Variants in YEATS2 observed in about 807,000 individuals in gnomAD.
YEATS2 encodes the protein YEATS domain containing 2.
A neutral mutation model predicts 163.2 loss-of-function variants in YEATS2; 77 were observed. That is an observed-to-expected ratio of 0.47 (90% CI 0.39 to 0.57). YEATS2 has a LOEUF of 0.57. Ranked by LOEUF, YEATS2 falls within the 20% of genes least tolerant of loss-of-function variation. The pLI is 0.00. For missense variants in YEATS2, 1,549 were observed against 1,729.8 expected (o/e 0.90, Z 1.85); for synonymous variants, 631 against 645.1 (o/e 0.98, Z 0.33).
intron 15 of YEATS2, among the ~76,000 whole-genome samples, chr3:183,766,056 A>G (rs1721874171): frequency 6.6e-6 from 1 of 152,162 alleles, no homozygotes; most frequent in South Asian, 2.1e-4. Context: ...TTTTTCCTCA[A>G]AGTGGGAAGA....
intron 12 of YEATS2, among the ~76,000 whole-genome samples, chr3:183,757,621 T>C (rs907643246): frequency 1.3e-5 from 2 of 152,176 alleles, no homozygotes; most frequent in African/African-American, 4.8e-5. Context: ...AACTATAAAC[T>C]TCCCTGAAGT....
Position 183,777,565 on chromosome 3 carries a change from A to C in YEATS2, c.2601A>C (p.Pro867=). 1 of 1,613,122 alleles carries C rather than the reference A, an allele frequency of 6.2e-7. No individual in the cohort carries two copies. Among genetic ancestry groups the C allele is most frequent in the Non-Finnish European group, 8.5e-7 (1 of 1,179,794 alleles). The part of the protein sequence containing the change: ...TPQGTFLVGQ[P]SPQTSGKQLT... ...AGGGCACATTTTTAGTTGGCCAGCCATCACCCCAGACTTCTGGAAAACAAC... is the reference window on the plus strand; with the variant it reads ...AGGGCACATTTTTAGTTGGCCAGCCCTCACCCCAGACTTCTGGAAAACAAC... Residue 867 remains proline, a synonymous_variant, in exon 19 of 31, where the codon CCA becomes CCC. Transcript: ENST00000305135.
intron 8 of YEATS2, among the ~76,000 whole-genome samples, chr3:183,737,956 CTCTG>C (rs1382447696): frequency 2.0e-5 from 3 of 152,082 alleles, no homozygotes; most frequent in African/African-American, 7.2e-5. Flanking sequence ...ATTTTTGTCT[CTCTG>C]TCACATTTTG....
chr3:183,809,817 CAG>C (rs1465352633), intron 30 of YEATS2, among the ~76,000 whole-genome samples: 1 of 152,210 alleles, frequency 6.6e-6, no homozygotes, highest in African/African-American at 2.4e-5. Flanking sequence ...AAGGCTGTCA[CAG>C]ATTTATAAAA....
At chr3:183,745,012 A>G (rs1039052805) in intron 8 of YEATS2, among the ~76,000 whole-genome samples, 9 of 152,058 alleles carry the variant, frequency 5.9e-5, no homozygotes, top group African/African-American at 2.2e-4. Flanking sequence ...CACCATGCCC[A>G]GCTAATTTTT....
At position 183,724,489 on chromosome 3, in the gene YEATS2, G is replaced by T. The variant is rs746535851; in HGVS notation, c.608G>T (p.Arg203Leu). The T allele has an allele frequency of 6.2e-7, 1 of 1,613,690 alleles. No individual in the cohort carries two copies. The highest frequency in any genetic ancestry group is 8.5e-7 in the Non-Finnish European group (1 of 1,179,850). The change falls in exon 6 of 31, where the codon CGA becomes CTA. Residue 203 changes from arginine to leucine, a missense_variant. Arg to Leu is a moderately radical substitution (Grantham distance 102). Transcript: ENST00000305135. ...RNADLTDETS[R>L]LFVKKTIVVG... ...GCTGATCTCACAGATGAGACTTCAC[G>T]ACTTTTTGTAAAGAAAACAATAGTA...
chr3:183,706,705 A>G (rs1714655079), intron 1 of YEATS2, among the ~76,000 whole-genome samples: 1 of 152,160 alleles, frequency 6.6e-6, no homozygotes, highest in Non-Finnish European at 1.5e-5. Context: ...AATCCCAGCT[A>G]CCCAGGAGGC....
intron 11 of YEATS2, among the ~76,000 whole-genome samples, chr3:183,754,991 A>G (rs1039484115): frequency 2.6e-5 from 4 of 152,210 alleles, no homozygotes; most frequent in Non-Finnish European, 4.4e-5. Context: ...ACCAGGAAGT[A>G]TGAGGACTTC....
intron 13 of YEATS2, among the ~76,000 whole-genome samples, chr3:183,760,829 CATTT>C (rs1721273587): frequency 6.6e-6 from 1 of 152,022 alleles, no homozygotes; most frequent in South Asian, 2.1e-4. Flanking sequence ...CTGTTTCTTT[CATTT>C]ATTTATTTAG....
intron 9 of YEATS2, among the ~76,000 whole-genome samples, chr3:183,748,268 T>C (rs1210426928): frequency 6.6e-6 from 1 of 150,560 alleles, no homozygotes; most frequent in Non-Finnish European, 1.5e-5. Flanking sequence ...TTTTTTTTTT[T>C]TTTTGAGAGG....
At chr3:183,728,615 TA>T (rs1717377933) in intron 6 of YEATS2, 74 bp from the exon 7 acceptor site, 1 of 1,354,228 alleles carries the variant, frequency 7.4e-7, no homozygotes, top group Non-Finnish European at 9.8e-7. Flanking sequence ...TTTTTAAGTT[TA>T]AGTAGGACTT....
intron 1 of YEATS2, among the ~76,000 whole-genome samples, chr3:183,698,833 T>A (rs2108942559): frequency 6.6e-6 from 1 of 152,296 alleles, no homozygotes; most frequent in South Asian, 2.1e-4. Flanking sequence ...GTAGAGGGTA[T>A]TCAGCGTAGA....
chr3:183,706,516 G>A (rs1196799402), intron 1 of YEATS2, among the ~76,000 whole-genome samples: 2 of 152,092 alleles, frequency 1.3e-5, no homozygotes, highest in Non-Finnish European at 2.9e-5. Flanking sequence ...GGGTGTTTTT[G>A]CAATTGGATA....
chr3:183,795,190 AG>A (rs1415900344), intron 21 of YEATS2, among the ~76,000 whole-genome samples: 12 of 141,766 alleles, frequency 8.5e-5, no homozygotes, highest in African/African-American at 3.7e-4. Context: ...AAAAAGAAAA[AG>A]AAAAAAAGAA....
At chr3:183,742,428 G>A (rs1467458646) in intron 8 of YEATS2, among the ~76,000 whole-genome samples, 2 of 152,132 alleles carry the variant, frequency 1.3e-5, no homozygotes, top group East Asian at 1.9e-4. Flanking sequence ...TCCAACCTTC[G>A]TGGATGACTT....
intron 1 of YEATS2, among the ~76,000 whole-genome samples, chr3:183,712,816 A>G (rs1239667671): frequency 6.6e-6 from 1 of 150,992 alleles, no homozygotes; most frequent in Non-Finnish European, 1.5e-5. Context: ...GCCGGAGTGC[A>G]GTGGTGTGAT....
In YEATS2 at chr3:183,810,608, C is replaced by G; in HGVS notation, c.*25C>G. Reference sequence around the variant, plus strand: ...AGCGGAGTGAGGTGCCCTGGAGAAGCAGGCTTTGAAGGCACAGCGAAGCTG... The same window carrying G: ...AGCGGAGTGAGGTGCCCTGGAGAAGGAGGCTTTGAAGGCACAGCGAAGCTG... On this transcript the variant is annotated 3_prime_UTR_variant, in exon 31 of 31. Coordinates refer to ENST00000305135, the MANE Select transcript of YEATS2 (RefSeq NM_018023.5). 6.2e-7 allele frequency: 1 copy of G among 1,604,958 alleles called. No homozygotes were observed. The highest frequency in any genetic ancestry group is 8.5e-7 in the Non-Finnish European group (1 of 1,172,316).
chr3:183,708,160 C>CT (rs35605564), intron 1 of YEATS2, among the ~76,000 whole-genome samples: 21,903 of 120,840 alleles, frequency 0.18, 2,721 homozygotes, highest in East Asian at 0.29. Flanking sequence ...GAATTGGCCA[C>CT]TTTTTTTTTT....
chr3:183,733,674 G>A (rs1319646620), intron 7 of YEATS2, among the ~76,000 whole-genome samples: 1 of 152,096 alleles, frequency 6.6e-6, no homozygotes, highest in Non-Finnish European at 1.5e-5. Flanking sequence ...TCTTATTTCT[G>A]GATCAAAGCA....
Sources: gnomAD v4.1 joint callset for allele counts (sites outside exome capture counted in the v4.1 genomes callset) on GRCh38, gnomAD v4.1.1 for gene constraint, MANE v1.5 for transcripts, NCBI Gene and HGNC (gene_info 2026-07-23, HGNC 2026-07-21) for gene names.